The following RGS6 variants were observed in gnomAD, a reference collection of about 807,000 sequenced individuals.
The protein encoded by RGS6 is regulator of G protein signaling 6.
Under a neutral mutation model 78.5 loss-of-function variants are expected in RGS6, and 30 were observed. The ratio of observed to expected loss-of-function variants is 0.38; its 90% CI spans 0.29 to 0.52. The LOEUF is 0.52. RGS6 is among the 20% of genes least tolerant of loss of function. The pLI is 0.85. For synonymous variants in RGS6, 206 were observed against 206.0 expected (o/e 1.00, Z 0.00); for missense variants, 495 against 609.7 (o/e 0.81, Z 1.98).
intron 1 of RGS6, among the ~76,000 whole-genome samples, chr14:71,936,015 G>GAGATAT (rs751624395): frequency 1.6e-5 from 1 of 63,800 alleles, no homozygotes; most frequent in African/African-American, 5.2e-5. Context: ...GAACTAATAG[G>GAGATAT]ATATATATAT....
At chr14:72,472,112 G>C (rs1047135968) in intron 8 of RGS6, among the ~76,000 whole-genome samples, 18 of 150,988 alleles carry the variant, frequency 1.2e-4, no homozygotes, top group African/African-American at 4.4e-4. Context: ...GGAGTTACAC[G>C]GCAATTAATC....
At chr14:72,014,069 A>G (rs1479109824) in intron 2 of RGS6, among the ~76,000 whole-genome samples, 1 of 152,216 alleles carries the variant, frequency 6.6e-6, no homozygotes, top group South Asian at 2.1e-4. Flanking sequence ...CTTGGACAGC[A>G]CAAGGATCTG....
At chr14:72,595,393 C>G in the RGS6 span, among the ~76,000 whole-genome samples, 7,784 of 152,216 alleles carry the variant, frequency 0.051, 714 homozygotes, top group African/African-American at 0.18. Flanking sequence ...GTCCAAAGAT[C>G]ATCTCATCCA....
chr14:72,060,213 T>A (rs1474483623), intron 2 of RGS6, among the ~76,000 whole-genome samples: 2 of 152,194 alleles, frequency 1.3e-5, no homozygotes, highest in African/African-American at 4.8e-5. Flanking sequence ...AGAGTGCTAA[T>A]GTTCACAGGT....
At chr14:72,177,048 A>G (rs914242516) in intron 2 of RGS6, among the ~76,000 whole-genome samples, 1 of 152,208 alleles carries the variant, frequency 6.6e-6, no homozygotes, top group Non-Finnish European at 1.5e-5. Flanking sequence ...AAATTTATCC[A>G]AGATTTTGCA....
chr14:71,972,448 T>A (rs1010090219), intron 2 of RGS6, among the ~76,000 whole-genome samples: 1 of 152,086 alleles, frequency 6.6e-6, no homozygotes, highest in African/African-American at 2.4e-5. Context: ...TGTTTACCAA[T>A]AAGACCCTAA....
chr14:72,326,863 A>G (rs1212222090), intron 2 of RGS6, among the ~76,000 whole-genome samples: 1 of 152,090 alleles, frequency 6.6e-6, no homozygotes, highest in Non-Finnish European at 1.5e-5. Context: ...GCCCGCCACC[A>G]TGCCCGGCTA....
intron 2 of RGS6, among the ~76,000 whole-genome samples, chr14:72,164,483 T>C (rs1019624363): frequency 2.1e-4 from 32 of 152,194 alleles, no homozygotes; most frequent in African/African-American, 7.7e-4. Flanking sequence ...CTGGAGTTTG[T>C]TGTTGGAGAT....
At chr14:72,466,226 G>A in intron 7 of RGS6, among the ~76,000 whole-genome samples, 1 of 152,198 alleles carries the variant, frequency 6.6e-6, no homozygotes. Context: ...AAAAAATACT[G>A]ATGATACCAA....
chr14:72,213,395 A>G (rs1012335776), intron 2 of RGS6, among the ~76,000 whole-genome samples: 1 of 152,168 alleles, frequency 6.6e-6, no homozygotes, highest in Non-Finnish European at 1.5e-5. Flanking sequence ...TTGTTCACCT[A>G]TGACGAGGCC....
In RGS6 at chr14:71,987,562, G is replaced by C. The variant is rs192808447; in HGVS notation, c.84+22687G>C. Among the ~76,000 whole-genome samples, 392 of 152,248 alleles carry C rather than the reference G, an allele frequency of 2.6e-3. 1 individual carries two copies. The highest frequency in any genetic ancestry group is 9.0e-3 in the African/African-American group (373 of 41,546). ...ATTTTTTCAGAGAGAGTCTCACTCT[G>C]TTCCCCAGGCTGGAGTGTAATGGTG... On this transcript the variant is annotated intron_variant, in intron 2 of 17. Transcript: ENST00000553525.
the RGS6 span, among the ~76,000 whole-genome samples, chr14:71,887,179 C>T: frequency 6.6e-6 from 1 of 152,156 alleles, no homozygotes; most frequent in Non-Finnish European, 1.5e-5. Context: ...TTTCTTATGC[C>T]TGTCTTTACT....
chr14:72,458,362 C>G lies in RGS6; in HGVS notation c.327C>G (p.Thr109=). 2 of 1,613,872 alleles carry G rather than the reference C, an allele frequency of 1.2e-6. No homozygotes were observed. The highest frequency in any genetic ancestry group is 1.7e-6 in the Non-Finnish European group (2 of 1,179,788). The change falls in exon 5 of 18, where the codon ACC becomes ACG. Residue 109 remains threonine, a synonymous_variant. Coordinates refer to ENST00000553525, the MANE Select transcript of RGS6 (RefSeq NM_001204424.2). ...DHVLTMKDDG[T]FYRFQAPYFW... is the part of the protein sequence containing the mutation. Reference sequence around the variant, plus strand: ...TTCTCACCATGAAGGATGATGGCACCTTTTATCGTTTCCAGGTAAGCCTGC... The same window carrying G: ...TTCTCACCATGAAGGATGATGGCACGTTTTATCGTTTCCAGGTAAGCCTGC...
intron 2 of RGS6, among the ~76,000 whole-genome samples, chr14:72,161,398 C>T (rs758310858): frequency 6.6e-6 from 1 of 152,010 alleles, no homozygotes; most frequent in Non-Finnish European, 1.5e-5. Flanking sequence ...TAAAAAAAAG[C>T]AATAAAGAGG....
At chr14:72,540,693 T>A in intron 17 of RGS6, 1 of 1,368,160 alleles carries the variant, frequency 7.3e-7, no homozygotes, top group Admixed American at 1.9e-5. Context: ...CAGCCTCATG[T>A]GCACAGTGTG....
the RGS6 span, among the ~76,000 whole-genome samples, chr14:71,889,548 G>C: frequency 1.3e-5 from 2 of 152,134 alleles, no homozygotes; most frequent in Non-Finnish European, 2.9e-5. Context: ...CCCTTAATAA[G>C]GACACTTCAC....
At chr14:72,434,717 C>T (rs548136341) in intron 3 of RGS6, among the ~76,000 whole-genome samples, 48 of 152,154 alleles carry the variant, frequency 3.2e-4, no homozygotes, top group African/African-American at 1.1e-3. Flanking sequence ...ATAGAAGGCC[C>T]TCATGTTGAA....
chr14:72,530,288 C>G (rs1184422022), intron 15 of RGS6, among the ~76,000 whole-genome samples: 4 of 152,218 alleles, frequency 2.6e-5, no homozygotes, highest in African/African-American at 9.6e-5. Context: ...TTCCAGATGA[C>G]TCAGGAGCCA....
chr14:72,138,302 G>T (rs535309921), intron 2 of RGS6, among the ~76,000 whole-genome samples: 16 of 152,208 alleles, frequency 1.1e-4, no homozygotes, highest in African/African-American at 3.6e-4. Context: ...GGAGAAGTTT[G>T]ACACCTCTCC....
Sources: gnomAD v4.1 joint callset for allele counts (sites outside exome capture counted in the v4.1 genomes callset) on GRCh38, gnomAD v4.1.1 for gene constraint, MANE v1.5 for transcripts, NCBI Gene and HGNC (gene_info 2026-07-23, HGNC 2026-07-21) for gene names.